The following MLPH variants were observed in gnomAD, a reference collection of about 807,000 sequenced individuals.
MLPH encodes exophilin-3.
Under a neutral mutation model 72.1 loss-of-function variants are expected in MLPH, and 51 were observed. That is an observed-to-expected ratio of 0.71 (90% CI 0.56 to 0.89). The LOEUF (loss-of-function observed/expected upper bound fraction) is 0.89, where lower values mean the gene tolerates loss of function less well. MLPH is among the 40% of genes least tolerant of loss of function. The pLI, the probability that MLPH is intolerant of heterozygous loss-of-function variation, is 0.00. For missense variants in MLPH, 743 were observed against 759.9 expected (o/e 0.98, Z 0.26); for synonymous variants, 301 against 310.1 (o/e 0.97, Z 0.31).
chr2:237,516,289 G>A (rs2080016000), intron 4 of MLPH, among the ~76,000 whole-genome samples: 1 of 152,152 alleles, frequency 6.6e-6, no homozygotes, highest in Non-Finnish European at 1.5e-5. Flanking sequence ...CCACAGCACC[G>A]GCCAAGCCAA....
At chr2:237,538,535 C>T (rs780453499) in intron 9 of MLPH, among the ~76,000 whole-genome samples, 18 of 152,188 alleles carry the variant, frequency 1.2e-4, no homozygotes, top group Admixed American at 8.5e-4. Context: ...TCCATGCTGG[C>T]GGCGTCGCTG....
intron 7 of MLPH, 44 bp downstream of exon 7, chr2:237,525,849 GGGAGCA>G: frequency 1.3e-6 from 2 of 1,578,134 alleles, no homozygotes; most frequent in Non-Finnish European, 1.7e-6. Context: ...CTCGGCATGG[GGGAGCA>G]GGTCACTGAG....
chr2:237,493,571 G>A, intron 2 of MLPH, 35 bp downstream of exon 2: 2 of 1,542,646 alleles, frequency 1.3e-6, no homozygotes, highest in Non-Finnish European at 1.8e-6. Context: ...GGAGCCCGGG[G>A]TCCCTGATCT....
Position 237,510,646 on chromosome 2 carries a change from G to A in MLPH, c.183G>A (p.Glu61=), listed in dbSNP as rs201095796. 75 of 1,613,790 alleles carry A rather than the reference G, an allele frequency of 4.6e-5. No homozygotes were observed. The African/African-American group carries it at 9.1e-4, about 19-fold the overall frequency. The stretch of plus-strand genomic sequence containing the variant: ...TTTCCGACACTGCCCATCTGAACGA[G>A]ACCCACTGCGCCCGCTGCCTGCAGC... The part of the protein sequence containing the change: ...ELLSDTAHLN[E]THCARCLQPY... The change falls in exon 3 of 16, where the codon GAG becomes GAA. Residue 61 remains glutamate (E), a synonymous_variant. Coordinates refer to ENST00000264605, the MANE Select transcript of MLPH (RefSeq NM_024101.7). The surrounding 1 kb of genome is among the most constrained non-coding windows in gnomAD (Gnocchi z 4.4).
intron 4 of MLPH, among the ~76,000 whole-genome samples, chr2:237,517,362 G>A (rs577693181): frequency 6.6e-6 from 1 of 152,012 alleles, no homozygotes; most frequent in East Asian, 1.9e-4. Flanking sequence ...TAGATAGGTA[G>A]GTGGATAGGT....
intron 12 of MLPH, 158 bp from the exon 13 acceptor site, chr2:237,546,448 G>A: frequency 1.4e-6 from 1 of 703,002 alleles, no homozygotes; most frequent in South Asian, 1.5e-5. Flanking sequence ...TAGTCCCAGA[G>A]TCCTGGAGCG....
chr2:237,515,917 G>A (rs1360665172), intron 4 of MLPH, among the ~76,000 whole-genome samples: 2 of 152,220 alleles, frequency 1.3e-5, no homozygotes, highest in African/African-American at 4.8e-5. Context: ...CCTCACAGAG[G>A]AGCAGGCAAG....
At chr2:237,506,261 A>C (rs2079769479) in intron 2 of MLPH, among the ~76,000 whole-genome samples, 1 of 152,242 alleles carries the variant, frequency 6.6e-6, no homozygotes, top group African/African-American at 2.4e-5. Context: ...CCTACATGTT[A>C]ATATAAATAC....
In MLPH at chr2:237,552,384, C is replaced by G; in HGVS notation, c.1723C>G (p.Leu575Val). ...TCGGAAATCAGTGTACCGAGGCTCG[C>G]TGACACAGAGAAACCCCAACGCGAG... The part of the protein sequence containing the change: ...FDRKSVYRGS[L>V]TQRNPNARKG... The change falls in exon 15 of 16, where the codon CTG becomes GTG. Residue 575 changes from leucine to valine, a missense_variant. By Grantham distance (32) the Leu-to-Val change is conservative. Transcript: ENST00000264605. The G allele has an allele frequency of 6.2e-7, 1 of 1,614,086 alleles. No individual in the cohort carries two copies. The highest frequency in any genetic ancestry group is 2.2e-5 in the East Asian group (1 of 44,888).
Position 237,540,852 on chromosome 2 carries a change from C to T in MLPH, c.1341C>T (p.Asp447=), listed in dbSNP as rs748425235. ...ACAGACAGGAAAAAAGCCCCCAGGA[C>T]CCTGGGGACCCCGTCCAGTACAACA... ...QTNRQEKSPQ[D]PGDPVQYNRT... Residue 447 remains aspartate (D), a synonymous_variant, in exon 11 of 16, where the codon GAC becomes GAT. Coordinates refer to ENST00000264605, the MANE Select transcript of MLPH (RefSeq NM_024101.7). 17 of 1,613,370 alleles carry T rather than the reference C, an allele frequency of 1.1e-5. No homozygotes were observed. The highest frequency in any genetic ancestry group is 1.7e-4 in the Middle Eastern group (1 of 6,058).
intron 8 of MLPH, among the ~76,000 whole-genome samples, chr2:237,532,242 T>A (rs1226967271): frequency 6.6e-6 from 1 of 152,200 alleles, no homozygotes; most frequent in East Asian, 1.9e-4. Flanking sequence ...TTCTCAGGAA[T>A]CGTATTTTAT....
intron 2 of MLPH, among the ~76,000 whole-genome samples, chr2:237,494,061 C>A (rs922081346): frequency 6.6e-5 from 10 of 152,224 alleles, no homozygotes; most frequent in African/African-American, 1.9e-4. Flanking sequence ...CTTCCTCCCC[C>A]CTCTATCTTC....
intron 12 of MLPH, among the ~76,000 whole-genome samples, chr2:237,544,381 G>T (rs1485237024): frequency 3.7e-4 from 8 of 21,836 alleles, no homozygotes; most frequent in Admixed American, 4.7e-4. Context: ...ACCGTGGTGA[G>T]TGGGGGCACA....
Position 237,553,682 on chromosome 2 carries a change from T to A in MLPH, c.*90T>A. The A allele has an allele frequency of 6.5e-7, 1 of 1,548,952 alleles. No homozygotes were observed. The highest frequency in any genetic ancestry group is 1.4e-5 in the African/African-American group (1 of 73,474). ...CTCATTGGCTCTGTGCTTTCCACTA[T>A]ACACAGTCACCGTCCCAATGAGAAA... On this transcript the variant is annotated 3_prime_UTR_variant, in exon 16 of 16. Coordinates refer to ENST00000264605, the MANE Select transcript of MLPH (RefSeq NM_024101.7).
chr2:237,514,742 T>G (rs1043060240), intron 4 of MLPH, among the ~76,000 whole-genome samples: 1 of 152,200 alleles, frequency 6.6e-6, no homozygotes, highest in Admixed American at 6.5e-5. Context: ...GCAGGCCCCT[T>G]TAAAACCCTT....
intron 12 of MLPH, chr2:237,545,807 CAACAACT>C (rs982458622): frequency 3.5e-6 from 1 of 285,988 alleles, no homozygotes; most frequent in Non-Finnish European, 6.0e-6. Context: ...AATTTCAGAT[CAACAACT>C]AATAATCTAG....
rs2080719710 is a variant in MLPH, at chr2:237,542,667, G to C, written c.1539+8G>C. Reference sequence around the variant, plus strand: ...AGGAAGTCAAACCTCCCGGTGAGTGGGGGGCAGTGGTGAGTGGAGACAGTG... The same window carrying C: ...AGGAAGTCAAACCTCCCGGTGAGTGCGGGGCAGTGGTGAGTGGAGACAGTG... On this transcript the variant is annotated splice_region_variant and intron_variant, in intron 12 of 15. Coordinates refer to ENST00000264605, the MANE Select transcript of MLPH (RefSeq NM_024101.7). The C allele has an allele frequency of 6.4e-7, 1 of 1,558,932 alleles. No individual in the cohort carries two copies. Among genetic ancestry groups the C allele is most frequent in the Non-Finnish European group, 8.7e-7 (1 of 1,151,738 alleles).
chr2:237,491,275 T>C (rs894452276), intron 1 of MLPH, among the ~76,000 whole-genome samples: 1 of 152,226 alleles, frequency 6.6e-6, no homozygotes, highest in African/African-American at 2.4e-5. Flanking sequence ...GGACCCCTTC[T>C]CTAATGTTCC....
chr2:237,492,039 G>T (rs2079438315), intron 1 of MLPH, among the ~76,000 whole-genome samples: 1 of 152,206 alleles, frequency 6.6e-6, no homozygotes, highest in Non-Finnish European at 1.5e-5. Flanking sequence ...TTCAAAGGCA[G>T]ATTCTGAATG....
Sources: gnomAD v4.1 joint callset for allele counts (sites outside exome capture counted in the v4.1 genomes callset) on GRCh38, gnomAD v4.1.1 for gene constraint, Gnocchi (gnomAD v3.1) non-coding constraint, MANE v1.5 for transcripts, NCBI Gene and HGNC (gene_info 2026-07-23, HGNC 2026-07-21) for gene names.